NEIL3: variants seen among roughly 807,000 people sequenced by gnomAD.
NEIL3 encodes nei like DNA glycosylase 3, also known as endonuclease 8-like 3.
In NEIL3, 48 loss-of-function variants were observed where a neutral mutation model predicts 57.5. The observed-to-expected ratio is 0.83, with a 90% CI of 0.66 to 1.06. NEIL3 has a LOEUF of 1.06. NEIL3 is among the 50% of genes least tolerant of loss of function. The pLI, the probability that NEIL3 is intolerant of heterozygous loss-of-function variation, is 0.00. For missense variants in NEIL3, 717 were observed against 739.1 expected, an observed-to-expected ratio of 0.97 and a Z score of 0.35; for synonymous variants, 261 against 253.2, an observed-to-expected ratio of 1.03 and a Z score of -0.29.
chr4:177,352,483 T>C (rs12502673), intron 7 of NEIL3, among the ~76,000 whole-genome samples: 21,163 of 152,190 alleles, frequency 0.14, 1,911 homozygotes, highest in Admixed American at 0.25. Context: ...GAATGTATTA[T>C]AGTACAGATT....
rs142888010 is a variant in NEIL3 at position 177,347,284 on chromosome 4, T to C, written c.870-4096T>C. ...TTGTTGAAGGAAGAGAAAGAAGGCA[T>C]GTATGACTGAACCAAGCAGAGGGAA... is the stretch of plus-strand genomic sequence containing the variant. On this transcript the variant is annotated intron_variant, in intron 6 of 9. Coordinates refer to ENST00000264596, the MANE Select transcript of NEIL3 (RefSeq NM_018248.3). Among the ~76,000 whole-genome samples, 4 of 152,096 alleles carry C rather than the reference T, an allele frequency of 2.6e-5. No individual in the cohort carries two copies. In the South Asian group the frequency reaches 8.3e-4, roughly 32 times the overall value.
chr4:177,361,485 G>A (rs777175225), intron 9 of NEIL3, among the ~76,000 whole-genome samples: 16 of 152,110 alleles, frequency 1.1e-4, no homozygotes, highest in Non-Finnish European at 1.9e-4. Context: ...GGAATTTCCC[G>A]GGGAAAACTG....
chr4:177,334,785 G>A (rs887737822), intron 2 of NEIL3, among the ~76,000 whole-genome samples: 4 of 152,112 alleles, frequency 2.6e-5, no homozygotes, highest in East Asian at 3.9e-4. Flanking sequence ...AGTAGCATTC[G>A]CTGCCAAAAG....
chr4:177,334,142 TAA>T (rs33982057), intron 2 of NEIL3, among the ~76,000 whole-genome samples: 49 of 145,130 alleles, frequency 3.4e-4, no homozygotes, highest in Non-Finnish European at 2.6e-4. Flanking sequence ...TGTCCTGGTT[TAA>T]AAAAAAAAAA....
intron 1 of NEIL3, among the ~76,000 whole-genome samples, chr4:177,317,603 T>TTTTA (rs1734600092): frequency 7.7e-6 from 1 of 130,088 alleles, no homozygotes; most frequent in South Asian, 2.9e-4. Context: ...TTTTCTTTTT[T>TTTTA]TTTTTTTTTT....
intron 1 of NEIL3, among the ~76,000 whole-genome samples, chr4:177,320,465 TC>T (rs1560908390): frequency 1.3e-4 from 11 of 84,312 alleles, no homozygotes; most frequent in Non-Finnish European, 1.7e-4. Context: ...GTGACTGCTG[TC>T]TTTTTTTTTT....
chr4:177,353,764 GCT>G, intron 8 of NEIL3, 36 bp downstream of exon 8: 2 of 1,462,316 alleles, frequency 1.4e-6, no homozygotes, highest in Non-Finnish European at 9.3e-7. Context: ...TAAGATAATT[GCT>G]TTTTTTTTTT....
At chr4:177,328,062 A>G (rs1734816741) in intron 2 of NEIL3, among the ~76,000 whole-genome samples, 1 of 152,172 alleles carries the variant, frequency 6.6e-6, no homozygotes, top group East Asian at 1.9e-4. Context: ...ATGGCCTCCA[A>G]CTGAGTTTCA....
intron 6 of NEIL3, among the ~76,000 whole-genome samples, chr4:177,345,059 C>G (rs757360007): frequency 6.6e-6 from 1 of 152,116 alleles, no homozygotes; most frequent in African/African-American, 2.4e-5. Context: ...CACAGCCTCT[C>G]AAAGTGCTCA....
chr4:177,313,914 T>C (rs1281737108), intron 1 of NEIL3, among the ~76,000 whole-genome samples: 1 of 152,214 alleles, frequency 6.6e-6, no homozygotes. Context: ...ATTATGAGAA[T>C]GTGTATATTT....
chr4:177,356,143 A>G (rs1735469011), intron 8 of NEIL3, among the ~76,000 whole-genome samples: 1 of 152,208 alleles, frequency 6.6e-6, no homozygotes, highest in African/African-American at 2.4e-5. Flanking sequence ...ATCATCTTAA[A>G]ATATTGTGGC....
intron 1 of NEIL3, among the ~76,000 whole-genome samples, chr4:177,312,072 T>G (rs1734488161): frequency 6.6e-6 from 1 of 152,232 alleles, no homozygotes; most frequent in Non-Finnish European, 1.5e-5. Context: ...GAAAAATAGC[T>G]TAAACATTTC....
At chr4:177,341,930 A>G (rs1735103001) in intron 6 of NEIL3, among the ~76,000 whole-genome samples, 1 of 145,642 alleles carries the variant, frequency 6.9e-6, no homozygotes, top group African/African-American at 2.5e-5. Context: ...GGAGATGTCA[A>G]TAATTGGAAA....
In NEIL3 at chr4:177,362,753, A is replaced by G. The variant is rs1290473833; in HGVS notation, c.*282A>G. 1.4e-5 allele frequency: 3 copies of G among 219,750 alleles called. No individual in the cohort carries two copies. The highest frequency in any genetic ancestry group is 1.3e-4 in the South Asian group (1 of 7,482). 13.6% of individuals were successfully genotyped at this position (219,750 alleles called of 1,614,324 possible). On this transcript the variant is annotated 3_prime_UTR_variant, in exon 10 of 10. Transcript: ENST00000264596. Reference sequence around the variant, plus strand: ...GTAATGACGATAAAGTGTTTTTAGTATGCTTTTAGTCTCTTGTAACTGGGG... The same window carrying G: ...GTAATGACGATAAAGTGTTTTTAGTGTGCTTTTAGTCTCTTGTAACTGGGG...
At chr4:177,329,268 TTAAA>T (rs1252810114) in intron 2 of NEIL3, among the ~76,000 whole-genome samples, 1 of 152,032 alleles carries the variant, frequency 6.6e-6, no homozygotes, top group Non-Finnish European at 1.5e-5. Context: ...AATAATCACA[TTAAA>T]TATAAATAAT....
intron 2 of NEIL3, 119 bp from the exon 3 acceptor site, chr4:177,335,569 G>C: frequency 1.3e-6 from 1 of 796,110 alleles, no homozygotes; most frequent in South Asian, 1.9e-5. Context: ...CCCTTTAAAA[G>C]TGTCTATCCT....
intron 2 of NEIL3, among the ~76,000 whole-genome samples, chr4:177,322,873 G>GT (rs1376641395): frequency 6.6e-6 from 1 of 152,118 alleles, no homozygotes; most frequent in Non-Finnish European, 1.5e-5. Flanking sequence ...GTCTCTCCTT[G>GT]TTTTTACCGA....
At chr4:177,323,458 C>T (rs1030013333) in intron 2 of NEIL3, among the ~76,000 whole-genome samples, 3 of 152,170 alleles carry the variant, frequency 2.0e-5, no homozygotes, top group Admixed American at 6.6e-5. Context: ...TTTATTGCAT[C>T]TCATCTACCA....
chr4:177,366,150 A>T (rs1016272335), downstream of NEIL3, among the ~76,000 whole-genome samples: 2 of 152,172 alleles, frequency 1.3e-5, no homozygotes, highest in Non-Finnish European at 2.9e-5. Context: ...GGAATATAAA[A>T]TTTTTTTCCT....
Sources: gnomAD v4.1 joint callset for allele counts (sites outside exome capture counted in the v4.1 genomes callset) on GRCh38, gnomAD v4.1.1 for gene constraint, MANE v1.5 for transcripts, NCBI Gene and HGNC (gene_info 2026-07-23, HGNC 2026-07-21) for gene names.